Variants in RAB27A observed in about 807,000 individuals in gnomAD.
RAB27A encodes RAB27A, member RAS oncogene family.
RAB27A carries 17 observed loss-of-function variants against 20.8 expected under a neutral mutation model. The ratio of observed to expected loss-of-function variants is 0.82; its 90% CI spans 0.56 to 1.23. RAB27A has a LOEUF of 1.23. Among genes scored for constraint, RAB27A ranks in the 50% most tolerant of loss-of-function variants. RAB27A has a pLI of 0.00. For synonymous variants in RAB27A, 85 were observed against 92.8 expected, an observed-to-expected ratio of 0.92 and a Z score of 0.48; for missense variants, 277 against 266.7, an observed-to-expected ratio of 1.04 and a Z score of -0.27.
chr15:55,280,279 G>A (rs1037201765), intron 1 of RAB27A, among the ~76,000 whole-genome samples: 1 of 151,986 alleles, frequency 6.6e-6, no homozygotes, highest in Non-Finnish European at 1.5e-5. Context: ...CTCACTTGCT[G>A]TGTGACTCTG....
chr15:55,214,204 A>T lies in RAB27A; in HGVS notation c.468-8499T>A, dbSNP rs1895159687. Among the ~76,000 whole-genome samples the T allele has an allele frequency of 2.0e-5, 3 of 152,334 alleles. No homozygotes were observed. In the East Asian group the frequency reaches 5.8e-4, roughly 29 times the overall value. On this transcript the variant is annotated intron_variant, in intron 6 of 6. Coordinates refer to ENST00000336787, the MANE Select transcript of RAB27A (RefSeq NM_183235.3). ...GTAATCCCAGCACTTTGGGAGGCCAAGGCGGGCGGATCACGAAGTCGGGAG... is the reference window on the plus strand; with the variant it reads ...GTAATCCCAGCACTTTGGGAGGCCATGGCGGGCGGATCACGAAGTCGGGAG...
chr15:55,315,077 GGAACA>G (rs1373938130), intron 1 of RAB27A, among the ~76,000 whole-genome samples: 3 of 152,046 alleles, frequency 2.0e-5, no homozygotes, highest in Non-Finnish European at 1.5e-5. Context: ...ATAGACAAAT[GGAACA>G]GAACAGAACT....
intron 6 of RAB27A, among the ~76,000 whole-genome samples, chr15:55,211,010 T>A (rs889488832): frequency 6.6e-6 from 1 of 152,198 alleles, no homozygotes; most frequent in Admixed American, 6.5e-5. Context: ...GCATCATTTA[T>A]TGAAGAGAAT....
upstream of RAB27A, among the ~76,000 whole-genome samples, chr15:55,292,226 T>G (rs1054158126): frequency 1.3e-5 from 2 of 152,204 alleles, no homozygotes; most frequent in Non-Finnish European, 1.5e-5. Context: ...ATGCTAATAG[T>G]TTTGACTACA....
rs565705437 is a variant in RAB27A at position 55,249,598 on chromosome 15, A to G, written c.-22-14642T>C. Reference sequence around the variant, plus strand: ...GCCCGGGCTGAATTAAGTTTTATAAATGTTCCACGATTATGTGAAAACAAT... The same window carrying G: ...GCCCGGGCTGAATTAAGTTTTATAAGTGTTCCACGATTATGTGAAAACAAT... On this transcript the variant is annotated intron_variant, in intron 2 of 6. Transcript: ENST00000336787. Among the ~76,000 whole-genome samples, 440 of 152,254 alleles carry G rather than the reference A, an allele frequency of 2.9e-3. 1 individual carries two copies. Among genetic ancestry groups the G allele is most frequent in the Non-Finnish European group, 5.2e-3 (356 of 67,996 alleles).
chr15:55,295,917 G>A (rs1159922462), intron 2 of RAB27A, among the ~76,000 whole-genome samples: 1 of 142,936 alleles, frequency 7.0e-6, no homozygotes, highest in Non-Finnish European at 1.5e-5. Context: ...TTTTTTTTGA[G>A]ATAGAGTTTC....
intron 2 of RAB27A, among the ~76,000 whole-genome samples, chr15:55,253,274 C>A (rs1303138096): frequency 6.6e-6 from 1 of 151,906 alleles, no homozygotes; most frequent in East Asian, 1.9e-4. Flanking sequence ...ATGGTGAAAC[C>A]CATCTCTACT....
chr15:55,295,653 T>C (rs185388307), intron 2 of RAB27A, among the ~76,000 whole-genome samples: 225 of 152,212 alleles, frequency 1.5e-3, no homozygotes, highest in African/African-American at 5.1e-3. Context: ...GGTAAATCCA[T>C]AGAGACAGAA....
intron 2 of RAB27A, among the ~76,000 whole-genome samples, chr15:55,247,337 C>T (rs1199357508): frequency 1.3e-5 from 2 of 151,818 alleles, no homozygotes; most frequent in East Asian, 3.9e-4. Flanking sequence ...AGCACTGCTA[C>T]CCCAGCCAGG....
chr15:55,308,988 G>A (rs1380219595), intron 2 of RAB27A, among the ~76,000 whole-genome samples: 1 of 152,182 alleles, frequency 6.6e-6, no homozygotes, highest in Non-Finnish European at 1.5e-5. Flanking sequence ...AGGACTCCTA[G>A]AGCTATTCCT....
At chr15:55,285,432 T>C (rs979168025) in intron 1 of RAB27A, among the ~76,000 whole-genome samples, 6 of 151,974 alleles carry the variant, frequency 3.9e-5, no homozygotes, top group African/African-American at 9.7e-5. Flanking sequence ...ATCATACAAG[T>C]ACCTGCAAAA....
intron 2 of RAB27A, among the ~76,000 whole-genome samples, chr15:55,264,554 T>A (rs12441440): frequency 0.083 from 12,587 of 152,244 alleles, 802 homozygotes; most frequent in Admixed American, 0.18. Flanking sequence ...GGGAAAGGGT[T>A]GTAGTGTTCA....
intron 2 of RAB27A, among the ~76,000 whole-genome samples, chr15:55,250,218 C>A (rs1896836990): frequency 6.6e-6 from 1 of 152,108 alleles, no homozygotes; most frequent in Non-Finnish European, 1.5e-5. Flanking sequence ...CCTACCTCAG[C>A]CTTCCAAGGT....
intron 2 of RAB27A, among the ~76,000 whole-genome samples, chr15:55,237,680 C>A (rs763302645): frequency 1.3e-5 from 2 of 152,078 alleles, no homozygotes; most frequent in East Asian, 3.9e-4. Context: ...AAAAGCAAGT[C>A]CAGATAATGT....
rs564000790 is a variant in RAB27A at position 55,210,040 on chromosome 15, A to G, written c.468-4335T>C. Among the ~76,000 whole-genome samples the G allele has an allele frequency of 3.4e-4, 50 of 145,032 alleles. 1 individual carries two copies. The highest frequency in any genetic ancestry group is 1.5e-3 in the South Asian group (7 of 4,636). ...TATATACGCATATATATGTGTGTGT[A>G]CATGTACATATATACACATATGTGT... On this transcript the variant is annotated intron_variant, in intron 6 of 6. Transcript: ENST00000336787.
Position 55,310,800 on chromosome 15 carries a change from T to G in RAB27A, c.-112+3239A>C, listed in dbSNP as rs371181229. Among the ~76,000 whole-genome samples, 17 of 152,354 alleles carry G rather than the reference T, an allele frequency of 1.1e-4. 1 individual carries two copies. The highest frequency in any genetic ancestry group is 7.2e-4 in the Admixed American group (11 of 15,310). On this transcript the variant is annotated intron_variant, in intron 2 of 5. Coordinates refer to the RAB27A transcript ENST00000563262. ...TTTCTTTCTAATGTCTGCAGCTGAC[T>G]GAGTGATAAACTTATCCTCTAAGAT... is the stretch of plus-strand genomic sequence containing the variant.
chr15:55,270,991 T>C (rs540264302), intron 1 of RAB27A: 1 of 152,356 alleles, frequency 6.6e-6, no homozygotes, highest in African/African-American at 2.4e-5. Flanking sequence ...CCACTTCCAA[T>C]TGGCCACCAA....
intron 6 of RAB27A, among the ~76,000 whole-genome samples, chr15:55,211,237 A>G (rs918026004): frequency 3.9e-5 from 6 of 151,916 alleles, no homozygotes; most frequent in African/African-American, 1.5e-4. Flanking sequence ...TCAGTTATTG[A>G]GGGTCTTTTG....
At chr15:55,294,589 GA>G (rs1181179911), upstream of RAB27A, among the ~76,000 whole-genome samples, 1,853 of 29,184 alleles carry the variant, frequency 0.063, 23 homozygotes, top group African/African-American at 0.2. Flanking sequence ...CCCTGTCTCC[GA>G]AAAAAAAAAA....
Sources: allele counts gnomAD v4.1 joint callset (sites outside exome capture counted in the v4.1 genomes callset), GRCh38; gene constraint gnomAD v4.1.1; transcripts MANE v1.5; gene names NCBI Gene and HGNC (gene_info 2026-07-23, HGNC 2026-07-21).